Variants in DPP10 observed in about 807,000 individuals in gnomAD.
DPP10 encodes dipeptidyl peptidase like 10.
Under a neutral mutation model 120.9 loss-of-function variants are expected in DPP10, and 33 were observed. That is an observed-to-expected ratio of 0.27 (90% CI 0.21 to 0.37). The LOEUF (loss-of-function observed/expected upper bound fraction) is 0.37, where lower values mean the gene tolerates loss of function less well. Among genes scored for constraint, DPP10 ranks in the 10% least tolerant of loss-of-function variants. The pLI is 1.00. For missense variants in DPP10, 816 were observed against 942.8 expected, an observed-to-expected ratio of 0.87 and a Z score of 1.76; for synonymous variants, 337 against 326.1, an observed-to-expected ratio of 1.03 and a Z score of -0.36.
intron 4 of DPP10, among the ~76,000 whole-genome samples, chr2:115,514,137 T>C (rs2077376722): frequency 6.6e-6 from 1 of 151,950 alleles, no homozygotes; most frequent in Non-Finnish European, 1.5e-5. Context: ...GTTATTATAA[T>C]TGAGGGTTCC....
chr2:115,102,599 C>T (rs893306357), intron 1 of DPP10, among the ~76,000 whole-genome samples: 11 of 151,646 alleles, frequency 7.3e-5, no homozygotes, highest in Admixed American at 5.9e-4. Flanking sequence ...TTAGTAGAGA[C>T]GAGGTTTCAC....
At chr2:114,589,222 C>A (rs1474014524) in intron 1 of DPP10, among the ~76,000 whole-genome samples, 1 of 152,038 alleles carries the variant, frequency 6.6e-6, no homozygotes, top group Non-Finnish European at 1.5e-5. Context: ...AAAAGCCCCT[C>A]AAGTAGGTCA....
At position 115,767,471 on chromosome 2, in the gene DPP10, ATATGTGTG is replaced by A. The variant is rs1281072283; in HGVS notation, c.1114-824_1114-817del. On this transcript the variant is annotated intron_variant, in intron 12 of 25. Coordinates refer to ENST00000410059, the MANE Select transcript of DPP10 (RefSeq NM_020868.6). ...AGTATCTCTCTCTCTCTACATACAT[ATATGTGTG>A]TGTGTGTGTGTATATATATATACAC... 4.6e-3 allele frequency among the ~76,000 whole-genome samples: 192 copies of A among 41,398 alleles called. 1 individual carries two copies. Among genetic ancestry groups the A allele is most frequent in the African/African-American group, 0.014 (188 of 13,384 alleles). 27.2% of individuals were successfully genotyped at this position (41,398 alleles called of 152,430 possible). A position where few individuals can be genotyped will look rare whatever the true frequency, so the allele number is the denominator to read the frequency against.
intron 1 of DPP10, among the ~76,000 whole-genome samples, chr2:115,091,471 T>C (rs149362762): frequency 5.3e-5 from 8 of 152,280 alleles, no homozygotes; most frequent in South Asian, 2.1e-4. Context: ...GGTTTGAAGT[T>C]AGTTTTTTTG....
intron 3 of DPP10, among the ~76,000 whole-genome samples, chr2:115,445,200 C>G (rs1364179406): frequency 6.6e-6 from 1 of 152,160 alleles, no homozygotes; most frequent in Non-Finnish European, 1.5e-5. Flanking sequence ...AATTAAATCT[C>G]TTTCCTTTAT....
intron 1 of DPP10, among the ~76,000 whole-genome samples, chr2:114,496,043 T>A (rs916707042): frequency 3.9e-5 from 6 of 152,202 alleles, no homozygotes; most frequent in African/African-American, 1.2e-4. Context: ...ATCAGATATT[T>A]TAACAGAGGA....
At chr2:115,348,142 AG>A (rs1426937934) in intron 3 of DPP10, among the ~76,000 whole-genome samples, 1 of 152,106 alleles carries the variant, frequency 6.6e-6, no homozygotes, top group Non-Finnish European at 1.5e-5. Context: ...TATCTTAGTC[AG>A]TTCAACGTAC....
At chr2:114,768,560 T>G (rs552095694) in intron 1 of DPP10, among the ~76,000 whole-genome samples, 4 of 152,198 alleles carry the variant, frequency 2.6e-5, no homozygotes, top group Non-Finnish European at 5.9e-5. Context: ...CTCGTGTTAT[T>G]AGATTGGATC....
intron 3 of DPP10, among the ~76,000 whole-genome samples, chr2:115,491,816 T>A (rs2076140823): frequency 6.6e-6 from 1 of 152,170 alleles, no homozygotes; most frequent in Non-Finnish European, 1.5e-5. Flanking sequence ...GCTCCTGCTC[T>A]GTCAACTGGA....
chr2:114,868,013 T>C (rs1056294340), intron 1 of DPP10, among the ~76,000 whole-genome samples: 2 of 152,174 alleles, frequency 1.3e-5, no homozygotes, highest in Admixed American at 1.3e-4. Flanking sequence ...TGCAATGAGG[T>C]AGATAACTGC....
intron 9 of DPP10, 111 bp from the exon 10 acceptor site, chr2:115,745,974 CT>C (rs1282566138): frequency 1.1e-5 from 8 of 742,658 alleles, no homozygotes; most frequent in African/African-American, 1.9e-5. Flanking sequence ...AGAAATTAAA[CT>C]TTTTTTCTTT....
intron 1 of DPP10, among the ~76,000 whole-genome samples, chr2:114,837,175 GA>G (rs1308501107): frequency 4.6e-5 from 7 of 152,162 alleles, no homozygotes; most frequent in Admixed American, 3.9e-4. Flanking sequence ...ATTGATTGGG[GA>G]AGTGATAAGT....
At chr2:115,255,129 A>G (rs2105703979) in intron 1 of DPP10, among the ~76,000 whole-genome samples, 1 of 152,318 alleles carries the variant, frequency 6.6e-6, no homozygotes, top group South Asian at 2.1e-4. Flanking sequence ...CTCTGCCTGG[A>G]CACCAGGGCA....
rs567493812 is a variant in DPP10, at chr2:114,839,185, C to T, written c.60+396347C>T. Reference sequence around the variant, plus strand: ...TGGCAGAATTGGATAATCTGTGTTGCCACATGGGAATATCTATGTAAATGG... The same window carrying T: ...TGGCAGAATTGGATAATCTGTGTTGTCACATGGGAATATCTATGTAAATGG... On this transcript the variant is annotated intron_variant, in intron 1 of 25. Coordinates refer to ENST00000410059, the MANE Select transcript of DPP10 (RefSeq NM_020868.6). Among the ~76,000 whole-genome samples, 39 of 152,202 alleles carry T rather than the reference C, an allele frequency of 2.6e-4. 1 individual carries two copies. Among genetic ancestry groups the T allele is most frequent in the African/African-American group, 8.7e-4 (36 of 41,524 alleles).
intron 1 of DPP10, among the ~76,000 whole-genome samples, chr2:115,198,614 G>A (rs2055460240): frequency 6.6e-6 from 1 of 152,106 alleles, no homozygotes; most frequent in African/African-American, 2.4e-5. Flanking sequence ...TACTTCCAGT[G>A]ATTCTTTCCC....
At chr2:115,719,715 T>C (rs2092597008) in intron 7 of DPP10, among the ~76,000 whole-genome samples, 1 of 152,216 alleles carries the variant, frequency 6.6e-6, no homozygotes, top group African/African-American at 2.4e-5. Flanking sequence ...TATGGTAATA[T>C]TCTTAATGAA....
chr2:115,441,531 G>A (rs1436824275), intron 3 of DPP10, among the ~76,000 whole-genome samples: 1 of 152,116 alleles, frequency 6.6e-6, no homozygotes, highest in African/African-American at 2.4e-5. Flanking sequence ...TAGGGTAAAT[G>A]ATTATTGTGT....
intron 3 of DPP10, among the ~76,000 whole-genome samples, chr2:115,381,311 C>T (rs1050909144): frequency 2.0e-5 from 3 of 152,104 alleles, no homozygotes; most frequent in Admixed American, 2.0e-4. Flanking sequence ...TTTCATCTTC[C>T]ATCACTAATA....
intron 5 of DPP10, among the ~76,000 whole-genome samples, chr2:115,563,891 T>C (rs2080838701): frequency 6.6e-6 from 1 of 152,214 alleles, no homozygotes; most frequent in African/African-American, 2.4e-5. Context: ...AGAATGATAA[T>C]ATGAAGCTAT....
Sources: allele counts gnomAD v4.1 joint callset (sites outside exome capture counted in the v4.1 genomes callset), GRCh38; gene constraint gnomAD v4.1.1; transcripts MANE v1.5; gene names NCBI Gene and HGNC (gene_info 2026-07-23, HGNC 2026-07-21).